The following THSD7A variants were observed in gnomAD, a reference collection of about 807,000 sequenced individuals.
THSD7A encodes the protein thrombospondin type 1 domain containing 7A.
Under a neutral mutation model 231.3 loss-of-function variants are expected in THSD7A, and 96 were observed. That is an observed-to-expected ratio of 0.41 (90% CI 0.35 to 0.49). The LOEUF (loss-of-function observed/expected upper bound fraction) is 0.49, where lower values mean the gene tolerates loss of function less well. THSD7A is among the 20% of genes least tolerant of loss of function. THSD7A has a pLI of 0.05. For missense variants in THSD7A, 2,290 were observed against 2,070.2 expected, an observed-to-expected ratio of 1.11 and a Z score of -2.06; for synonymous variants, 940 against 743.3, an observed-to-expected ratio of 1.26 and a Z score of -4.30.
intron 1 of THSD7A, among the ~76,000 whole-genome samples, chr7:11,668,550 G>T (rs1783247735): frequency 6.6e-6 from 1 of 151,322 alleles, no homozygotes; most frequent in South Asian, 2.1e-4. Context: ...AGAGAAGAAA[G>T]AAAGGGAAGC....
chr7:11,801,117 C>T (rs913528799), intron 1 of THSD7A, among the ~76,000 whole-genome samples: 2 of 151,824 alleles, frequency 1.3e-5, no homozygotes, highest in African/African-American at 4.8e-5. Flanking sequence ...GCCTCGGCAA[C>T]AAGGAGACCC....
At chr7:11,615,097 G>C (rs1055878327) in intron 2 of THSD7A, among the ~76,000 whole-genome samples, 2 of 152,132 alleles carry the variant, frequency 1.3e-5, no homozygotes, top group Non-Finnish European at 1.5e-5. Context: ...ATCACAGGCT[G>C]GAAAGATGCA....
chr7:11,820,883 G>A lies in THSD7A; in HGVS notation c.190+10874C>T. 9.0e-6 allele frequency: 8 copies of A among 889,068 alleles called. No individual in the cohort carries two copies. The Admixed American group carries it at 1.4e-4, about 15-fold the overall frequency. The allele number at this position is 889,068 out of a possible 1,614,324, so 55.1% of individuals were successfully genotyped here. A position where few individuals can be genotyped will look rare whatever the true frequency, so the allele number is the denominator to read the frequency against. ...TCTCAGCTGACCTTTCCCTCGAGTG[G>A]CTGGAGTCTCGGGAATTCACTGATT... On this transcript the variant is annotated intron_variant, in intron 1 of 27. Transcript: ENST00000423059.
intron 1 of THSD7A, among the ~76,000 whole-genome samples, chr7:11,722,299 G>T (rs1252329411): frequency 6.6e-6 from 1 of 151,860 alleles, no homozygotes; most frequent in Non-Finnish European, 1.5e-5. Flanking sequence ...TGGGAAGGGG[G>T]TGAATACTGC....
intron 1 of THSD7A, among the ~76,000 whole-genome samples, chr7:11,732,977 C>A (rs944270201): frequency 6.6e-6 from 1 of 151,814 alleles, no homozygotes; most frequent in African/African-American, 2.4e-5. Flanking sequence ...GTTTATGGAA[C>A]ATAAATATCT....
chr7:11,667,511 A>G (rs1413481584), intron 1 of THSD7A, among the ~76,000 whole-genome samples: 1 of 152,146 alleles, frequency 6.6e-6, no homozygotes, highest in East Asian at 1.9e-4. Context: ...ACTGGTGATT[A>G]TAATACATAT....
At chr7:11,748,466 C>T (rs1419836526) in intron 1 of THSD7A, among the ~76,000 whole-genome samples, 1 of 151,920 alleles carries the variant, frequency 6.6e-6, no homozygotes, top group Non-Finnish European at 1.5e-5. Context: ...AAGTATTTGT[C>T]ACAAAAATTG....
chr7:11,826,278 T>C (rs141316366), intron 1 of THSD7A, among the ~76,000 whole-genome samples: 234 of 152,278 alleles, frequency 1.5e-3, no homozygotes, highest in Non-Finnish European at 2.7e-3. Context: ...TTCTAAATAA[T>C]GGCTATTATG....
intron 23 of THSD7A, among the ~76,000 whole-genome samples, chr7:11,394,729 A>T (rs1438874282): frequency 1.3e-5 from 2 of 152,148 alleles, no homozygotes; most frequent in African/African-American, 4.8e-5. Flanking sequence ...ATGCAGCTCC[A>T]GCTTCTCGGG....
chr7:11,822,469 G>T (rs935070457), intron 1 of THSD7A, among the ~76,000 whole-genome samples: 3 of 152,096 alleles, frequency 2.0e-5, no homozygotes, highest in African/African-American at 7.2e-5. Flanking sequence ...CACTTAGGTT[G>T]ATTCCACATC....
intron 6 of THSD7A, among the ~76,000 whole-genome samples, chr7:11,536,118 T>G (rs1562695096): frequency 6.6e-6 from 1 of 152,196 alleles, no homozygotes; most frequent in Admixed American, 6.5e-5. Context: ...TTTTCCAGCC[T>G]TCTGAAGCTC....
In THSD7A at chr7:11,811,742, C is replaced by T. The variant is rs184126518; in HGVS notation, c.190+20015G>A. On this transcript the variant is annotated intron_variant, in intron 1 of 27. Transcript: ENST00000423059. ...CAGCTGTATCCCATACAGCAGTGCA[C>T]ACTAAATATATCAGCTTAGCTGCCT... is the stretch of plus-strand genomic sequence containing the variant. Among the ~76,000 whole-genome samples, 7 of 152,256 alleles carry T rather than the reference C, an allele frequency of 4.6e-5. No individual in the cohort carries two copies. In the East Asian group the frequency reaches 1.2e-3, roughly 25 times the overall value.
chr7:11,681,261 T>G (rs1783858246), intron 1 of THSD7A, among the ~76,000 whole-genome samples: 1 of 151,970 alleles, frequency 6.6e-6, no homozygotes, highest in Non-Finnish European at 1.5e-5. Context: ...GCTGATGGGT[T>G]GATGGGTGCA....
At position 11,744,906 on chromosome 7, in the gene THSD7A, T is replaced by C. The variant is rs375098580; in HGVS notation, c.190+86851A>G. 2.6e-5 allele frequency among the ~76,000 whole-genome samples: 4 copies of C among 152,222 alleles called. No homozygotes were observed. The East Asian group carries it at 5.8e-4, about 22-fold the overall frequency. ...TGAGTAGTGCCACAATAAGCACACA[T>C]GTGCATGTGTCTTTATAGCAGCATG... On this transcript the variant is annotated intron_variant, in intron 1 of 27. Coordinates refer to ENST00000423059, the MANE Select transcript of THSD7A (RefSeq NM_015204.3).
chr7:11,474,478 G>T lies in THSD7A; in HGVS notation c.2108C>A (p.Pro703His), dbSNP rs201383884. 1.5e-4 allele frequency: 242 copies of T among 1,613,360 alleles called. No individual in the cohort carries two copies. The highest frequency in any genetic ancestry group is 2.0e-4 in the Non-Finnish European group (237 of 1,179,600). Residue 703 changes from proline to histidine, a missense_variant, in exon 8 of 28, where the codon CCC becomes CAC. Physicochemically the swap from Pro to His is moderately conservative, Grantham distance 77. Transcript: ENST00000423059. This position sits in a 1 kb window ranked among gnomAD's most constrained non-coding sequence, Gnocchi z 4.1. ...GGTGTCCTCAATGCACTGGCCCCAG[G>T]GACCAGTTTGCCAGTGGTACACTGT... ...PCTVYHWQTGPWGQCIEDTSV... is the reference protein window; with the variant it reads ...PCTVYHWQTGHWGQCIEDTSV...
intron 1 of THSD7A, among the ~76,000 whole-genome samples, chr7:11,745,419 C>T (rs1332660313): frequency 6.6e-6 from 1 of 152,010 alleles, no homozygotes; most frequent in African/African-American, 2.4e-5. Context: ...ATGATACTTT[C>T]TTTTGCTGTG....
intron 1 of THSD7A, among the ~76,000 whole-genome samples, chr7:11,763,041 G>A (rs1241391202): frequency 6.6e-6 from 1 of 152,146 alleles, no homozygotes; most frequent in African/African-American, 2.4e-5. Context: ...AAACTAAAAA[G>A]TCATTTCATT....
rs886982574 is a variant in THSD7A at position 11,598,041 on chromosome 7, A to C, written c.1023-4539T>G. On this transcript the variant is annotated intron_variant, in intron 2 of 27. Coordinates refer to ENST00000423059, the MANE Select transcript of THSD7A (RefSeq NM_015204.3). ...CCTGAACGTGGACAGCTGCAGCACT[A>C]AGCCCCTTTCTAGGACACCCCTCAA... 2.0e-5 allele frequency among the ~76,000 whole-genome samples: 3 copies of C among 152,156 alleles called. No homozygotes were observed. The South Asian group carries it at 6.2e-4, about 31-fold the overall frequency.
At chr7:11,541,374 C>A (rs573530575) in intron 6 of THSD7A, 45 bp downstream of exon 6, 1 of 1,564,264 alleles carries the variant, frequency 6.4e-7, no homozygotes, top group South Asian at 1.1e-5. Context: ...AACATATATG[C>A]AGGGTTGGAC....
Sources: gnomAD v4.1 joint callset for allele counts (sites outside exome capture counted in the v4.1 genomes callset) on GRCh38, gnomAD v4.1.1 for gene constraint, Gnocchi (gnomAD v3.1) non-coding constraint, MANE v1.5 for transcripts, NCBI Gene and HGNC (gene_info 2026-07-23, HGNC 2026-07-21) for gene names.